The following ODAD2 variants were observed in gnomAD, a reference collection of about 807,000 sequenced individuals.
ODAD2 encodes outer dynein arm docking complex subunit 2, also known as outer dynein arm-docking complex subunit 2.
In ODAD2, 89 loss-of-function variants were observed where a neutral mutation model predicts 106.8. That is an observed-to-expected ratio of 0.83 (90% confidence interval 0.70 to 0.99). The LOEUF is 0.99. Ranked by LOEUF, ODAD2 falls within the 50% of genes least tolerant of loss-of-function variation. The pLI is 0.00. For synonymous variants in ODAD2, 404 were observed against 436.2 expected, an observed-to-expected ratio of 0.93 and a Z score of 0.92; for missense variants, 1,168 against 1,238.5, an observed-to-expected ratio of 0.94 and a Z score of 0.85.
chr10:27,861,242 T>C (rs912188908), intron 18 of ODAD2, among the ~76,000 whole-genome samples: 3 of 152,156 alleles, frequency 2.0e-5, no homozygotes, highest in African/African-American at 7.2e-5. Flanking sequence ...TCCACTCACT[T>C]TGGCCTCCAA....
At chr10:27,872,337 T>C (rs181998641) in intron 17 of ODAD2, among the ~76,000 whole-genome samples, 3 of 152,060 alleles carry the variant, frequency 2.0e-5, no homozygotes, top group South Asian at 2.1e-4. Context: ...CCTAATTAAA[T>C]ACCCTTTATT....
At chr10:27,982,409 T>C (rs1849610309) in intron 6 of ODAD2, among the ~76,000 whole-genome samples, 1 of 152,148 alleles carries the variant, frequency 6.6e-6, no homozygotes. Flanking sequence ...TAATAACCTT[T>C]GATAGAAATA....
intron 18 of ODAD2, among the ~76,000 whole-genome samples, chr10:27,861,079 C>G (rs59540473): frequency 6.6e-6 from 1 of 152,080 alleles, no homozygotes; most frequent in East Asian, 1.9e-4. Context: ...GCAAGCTCGG[C>G]CTCCTGGATT....
rs557219638 is a variant in ODAD2 at position 27,876,256 on chromosome 10, G to A, written c.2611-13634C>T. On this transcript the variant is annotated intron_variant, in intron 17 of 19. Transcript: ENST00000305242. ...ACGGACAGACTGCCTCCTCAAGTGGGTCCCTGACTCCCGAGTAGCCTAACT... is the reference window on the plus strand; with the variant it reads ...ACGGACAGACTGCCTCCTCAAGTGGATCCCTGACTCCCGAGTAGCCTAACT... Among the ~76,000 whole-genome samples, 3 of 152,272 alleles carry A rather than the reference G, an allele frequency of 2.0e-5. No homozygotes were observed. In the East Asian group the frequency reaches 5.8e-4, roughly 29 times the overall value.
intron 19 of ODAD2, among the ~76,000 whole-genome samples, chr10:27,850,999 G>T (rs899026646): frequency 6.6e-6 from 1 of 152,162 alleles, no homozygotes; most frequent in Non-Finnish European, 1.5e-5. Context: ...TTGGGGAGTG[G>T]AACAGAGAAA....
chr10:27,898,943 TAGGATGACA>T (rs1421147943), intron 17 of ODAD2, among the ~76,000 whole-genome samples: 1 of 152,120 alleles, frequency 6.6e-6, no homozygotes, highest in African/African-American at 2.4e-5. Context: ...ATATTATATT[TAGGATGACA>T]TTTAGAGTCA....
intron 17 of ODAD2, among the ~76,000 whole-genome samples, chr10:27,865,136 T>C (rs1026184565): frequency 1.3e-5 from 2 of 152,088 alleles, no homozygotes; most frequent in African/African-American, 4.8e-5. Context: ...GCACCCCTGG[T>C]TTATCTCTCC....
At position 27,951,315 on chromosome 10, in the gene ODAD2, A is replaced by G. The variant is rs1034910079; in HGVS notation, c.1387-6353T>C. ...TGAAAAATCCAAAAAATAAGTTTTA[A>G]AAATGTTAAGGTACCTATCTGGTCT... On this transcript the variant is annotated intron_variant, in intron 10 of 19. Transcript: ENST00000305242. Among the ~76,000 whole-genome samples, 3 of 152,218 alleles carry G rather than the reference A, an allele frequency of 2.0e-5. No individual in the cohort carries two copies. In the East Asian group the frequency reaches 5.8e-4, roughly 29 times the overall value.
chr10:27,839,951 A>G (rs1378222567), intron 19 of ODAD2, among the ~76,000 whole-genome samples: 1 of 152,228 alleles, frequency 6.6e-6, no homozygotes, highest in African/African-American at 2.4e-5. Context: ...CCATACCAGC[A>G]GTTGGCAGTA....
chr10:27,928,465 C>T (rs1356199597), intron 16 of ODAD2, among the ~76,000 whole-genome samples: 2 of 152,058 alleles, frequency 1.3e-5, no homozygotes, highest in East Asian at 1.9e-4. Flanking sequence ...TGCTAAAAAC[C>T]TTCAATGATC....
At chr10:27,840,477 C>T (rs1838228675) in intron 19 of ODAD2, among the ~76,000 whole-genome samples, 1 of 152,152 alleles carries the variant, frequency 6.6e-6, no homozygotes, top group Admixed American at 6.5e-5. Flanking sequence ...TCTTGGAAGC[C>T]ATCTTGTAAA....
At chr10:27,973,282 C>A (rs1358178405) in intron 7 of ODAD2, among the ~76,000 whole-genome samples, 1 of 151,614 alleles carries the variant, frequency 6.6e-6, no homozygotes, top group Middle Eastern at 3.2e-3. Flanking sequence ...TCACTTGAAG[C>A]CAGGAGTTCA....
chr10:27,931,227 G>A (rs1337143152), intron 16 of ODAD2, among the ~76,000 whole-genome samples: 1 of 152,202 alleles, frequency 6.6e-6, no homozygotes, highest in East Asian at 1.9e-4. Flanking sequence ...TTAAAAGTCA[G>A]CATATTACAT....
At chr10:27,959,443 T>G (rs188539422) in intron 10 of ODAD2, among the ~76,000 whole-genome samples, 4 of 152,026 alleles carry the variant, frequency 2.6e-5, no homozygotes, top group Admixed American at 1.3e-4. Context: ...GGAGGCCCTG[T>G]GGTTCAGTAA....
intron 6 of ODAD2, 107 bp downstream of exon 6, chr10:27,983,736 C>T: frequency 1.8e-6 from 2 of 1,107,166 alleles, no homozygotes; most frequent in East Asian, 2.5e-5. Flanking sequence ...TTCTATCCCA[C>T]AGAATGGTAA....
intron 14 of ODAD2, 59 bp from the exon 15 acceptor site, chr10:27,936,939 T>A: frequency 6.6e-7 from 1 of 1,523,792 alleles, no homozygotes; most frequent in Non-Finnish European, 8.8e-7. Context: ...CTTTCAATGA[T>A]GCTAAAAAGG....
intron 19 of ODAD2, among the ~76,000 whole-genome samples, chr10:27,816,834 C>T (rs546979126): frequency 9.9e-5 from 15 of 152,236 alleles, no homozygotes; most frequent in African/African-American, 3.4e-4. Context: ...CTGCAACCTC[C>T]GTCCCCTGGG....
intron 19 of ODAD2, among the ~76,000 whole-genome samples, chr10:27,826,142 G>A (rs970257226): frequency 1.3e-5 from 2 of 152,196 alleles, no homozygotes; most frequent in Non-Finnish European, 2.9e-5. Context: ...TCTGGAGGAC[G>A]CAGAATGGGA....
intron 8 of ODAD2, among the ~76,000 whole-genome samples, chr10:27,969,401 C>T (rs1233596685): frequency 1.3e-5 from 2 of 152,294 alleles, no homozygotes; most frequent in African/African-American, 2.4e-5. Flanking sequence ...TATTCGCAGG[C>T]TTTGCATAGT....
Sources: allele counts gnomAD v4.1 joint callset (sites outside exome capture counted in the v4.1 genomes callset), GRCh38; gene constraint gnomAD v4.1.1; transcripts MANE v1.5; gene names NCBI Gene and HGNC (gene_info 2026-07-23, HGNC 2026-07-21).